Variants in THSD7B observed in about 807,000 individuals in gnomAD.
THSD7B encodes the protein thrombospondin type 1 domain containing 7B.
A neutral mutation model predicts 213.6 loss-of-function variants in THSD7B; 138 were observed. The observed-to-expected ratio is 0.65, with a 90% confidence interval of 0.56 to 0.74. THSD7B has a LOEUF of 0.74. THSD7B is among the 30% of genes least tolerant of loss of function. The pLI, the probability that THSD7B is intolerant of heterozygous loss-of-function variation, is 0.00. For synonymous variants in THSD7B, 742 were observed against 687.0 expected (o/e 1.08, Z -1.25); for missense variants, 1,931 against 1,991.5 (o/e 0.97, Z 0.58).
chr2:137,273,004 C>CACACACA (rs1553434138), intron 11 of THSD7B, among the ~76,000 whole-genome samples: 2 of 145,152 alleles, frequency 1.4e-5, no homozygotes, highest in African/African-American at 5.1e-5. Flanking sequence ...GAAATACACA[C>CACACACA]CACACACACG....
chr2:137,185,593 A>G (rs1354080777), intron 7 of THSD7B, among the ~76,000 whole-genome samples: 2 of 152,184 alleles, frequency 1.3e-5, no homozygotes, highest in East Asian at 1.9e-4. Context: ...ATACGGCTGC[A>G]TAGTATTCCA....
intron 1 of THSD7B, among the ~76,000 whole-genome samples, chr2:136,839,762 T>C: frequency 6.6e-6 from 1 of 152,236 alleles, no homozygotes; most frequent in African/African-American, 2.4e-5. Context: ...TGGTGCTGCC[T>C]GATGGTCATT....
intron 15 of THSD7B, among the ~76,000 whole-genome samples, chr2:137,451,412 T>C (rs965181816): frequency 3.1e-4 from 47 of 151,908 alleles, no homozygotes; most frequent in African/African-American, 1.1e-3. Flanking sequence ...GTCATGGCAA[T>C]ATGATTAGTG....
intron 10 of THSD7B, among the ~76,000 whole-genome samples, chr2:137,252,229 T>G (rs1273861022): frequency 3.2e-5 from 4 of 123,924 alleles, no homozygotes; most frequent in Non-Finnish European, 3.1e-5. Flanking sequence ...ATCATGCCAC[T>G]GCACTTCAGC....
intron 20 of THSD7B, among the ~76,000 whole-genome samples, chr2:137,639,305 G>A (rs1682893799): frequency 6.6e-6 from 1 of 152,144 alleles, no homozygotes; most frequent in African/African-American, 2.4e-5. Flanking sequence ...GCTTCCATGT[G>A]GTGTTGAGCC....
At chr2:136,906,560 CA>C (rs1684165138) in intron 2 of THSD7B, 3 of 151,898 alleles carry the variant, frequency 2.0e-5, no homozygotes, top group Non-Finnish European at 4.4e-5. Flanking sequence ...ATGATGTTAA[CA>C]AAAAAGTGAG....
rs536568882 is a variant in THSD7B at position 136,885,593 on chromosome 2, A to G, written c.139+3276A>G. On this transcript the variant is annotated intron_variant, in intron 2 of 27. Transcript: ENST00000409968. ...CGGTTTTAAGTTTCAATATAAAACT[A>G]TTCATGCCTGCCTGCTTTGTGGAGA... Among the ~76,000 whole-genome samples the G allele has an allele frequency of 5.3e-5, 8 of 152,326 alleles. No individual in the cohort carries two copies. In the South Asian group the frequency reaches 1.7e-3, roughly 32 times the overall value.
At chr2:137,552,145 T>C (rs1435151521) in intron 15 of THSD7B, among the ~76,000 whole-genome samples, 2 of 152,204 alleles carry the variant, frequency 1.3e-5, no homozygotes, top group African/African-American at 4.8e-5. Context: ...TTTGACTTTT[T>C]GAAATTGTCG....
intron 12 of THSD7B, among the ~76,000 whole-genome samples, chr2:137,396,875 T>G (rs1373941776): frequency 6.6e-6 from 1 of 151,454 alleles, no homozygotes; most frequent in Non-Finnish European, 1.5e-5. Flanking sequence ...ATATTTAGGA[T>G]AGTTAGCTCT....
At chr2:137,273,342 T>C (rs1445987039) in intron 11 of THSD7B, among the ~76,000 whole-genome samples, 1 of 152,100 alleles carries the variant, frequency 6.6e-6, no homozygotes, top group Non-Finnish European at 1.5e-5. Flanking sequence ...TAAAAAATAA[T>C]AATAGGTTTC....
chr2:136,982,932 T>C (rs1210789869), intron 2 of THSD7B, among the ~76,000 whole-genome samples: 1 of 152,182 alleles, frequency 6.6e-6, no homozygotes, highest in Non-Finnish European at 1.5e-5. Context: ...TCAAGAATGA[T>C]AGGGTCAGAA....
chr2:137,374,062 C>T (rs1159213392), intron 12 of THSD7B, among the ~76,000 whole-genome samples: 1 of 150,908 alleles, frequency 6.6e-6, no homozygotes, highest in Non-Finnish European at 1.5e-5. Flanking sequence ...ATCTATATCT[C>T]TGTTTTGGTA....
At chr2:137,276,432 G>T (rs1294550153) in intron 12 of THSD7B, among the ~76,000 whole-genome samples, 1 of 151,954 alleles carries the variant, frequency 6.6e-6, no homozygotes, top group African/African-American at 2.4e-5. Context: ...TGAATGAATT[G>T]ACTAATCTTA....
At chr2:137,567,126 A>G in intron 16 of THSD7B, among the ~76,000 whole-genome samples, 1 of 145,802 alleles carries the variant, frequency 6.9e-6, no homozygotes, top group Middle Eastern at 3.3e-3. Flanking sequence ...TGGGGGAGTG[A>G]CATGCTCTAT....
chr2:137,392,043 G>T (rs1372053307), intron 12 of THSD7B, among the ~76,000 whole-genome samples: 1 of 152,086 alleles, frequency 6.6e-6, no homozygotes, highest in African/African-American at 2.4e-5. Context: ...CCATGTATTT[G>T]TATAGTTTCC....
intron 5 of THSD7B, among the ~76,000 whole-genome samples, chr2:137,131,701 G>T (rs560875213): frequency 2.0e-5 from 3 of 152,060 alleles, no homozygotes; most frequent in Non-Finnish European, 4.4e-5. Flanking sequence ...GATATGCAGC[G>T]TTATTTCTGA....
chr2:137,596,972 A>G (rs1247504615), intron 17 of THSD7B, among the ~76,000 whole-genome samples: 2 of 152,136 alleles, frequency 1.3e-5, no homozygotes, highest in Admixed American at 1.3e-4. Flanking sequence ...ATACAACCAC[A>G]TGTGGTGATT....
intron 7 of THSD7B, among the ~76,000 whole-genome samples, chr2:137,179,363 A>T (rs1680412662): frequency 6.6e-6 from 1 of 152,142 alleles, no homozygotes; most frequent in South Asian, 2.1e-4. Flanking sequence ...TTGCTGTTTC[A>T]TATGACCATT....
chr2:136,936,422 A>G (rs1478559767), intron 2 of THSD7B, among the ~76,000 whole-genome samples: 5 of 152,182 alleles, frequency 3.3e-5, no homozygotes, highest in South Asian at 2.1e-4. Context: ...AACCAACCCA[A>G]AAGTCCATCA....
Sources: gnomAD v4.1 joint callset for allele counts (sites outside exome capture counted in the v4.1 genomes callset) on GRCh38, gnomAD v4.1.1 for gene constraint, MANE v1.5 for transcripts, NCBI Gene and HGNC (gene_info 2026-07-23, HGNC 2026-07-21) for gene names.